The following HDGFL3 variants were observed in gnomAD, a reference collection of about 807,000 sequenced individuals.
HDGFL3 encodes HDGF like 3, also known as hepatoma-derived growth factor-related protein 3.
A neutral mutation model predicts 27.6 loss-of-function variants in HDGFL3; 6 were observed. That is an observed-to-expected ratio of 0.22 (90% confidence interval 0.12 to 0.43). The LOEUF (loss-of-function observed/expected upper bound fraction) is 0.43, where lower values mean the gene tolerates loss of function less well. HDGFL3 is among the 20% of genes least tolerant of loss of function. The pLI is 1.00. For missense variants in HDGFL3, 207 were observed against 250.1 expected (o/e 0.83, Z 1.16); for synonymous variants, 88 against 88.9 (o/e 0.99, Z 0.05).
intron 1 of HDGFL3, among the ~76,000 whole-genome samples, chr15:83,194,209 T>C (rs1787850128): frequency 6.6e-6 from 1 of 152,178 alleles, no homozygotes; most frequent in Admixed American, 6.5e-5. Flanking sequence ...GTTTTACATA[T>C]ACACAATGGG....
intron 2 of HDGFL3, among the ~76,000 whole-genome samples, chr15:83,161,805 T>C (rs190004381): frequency 1.8e-4 from 28 of 152,222 alleles, no homozygotes; most frequent in Middle Eastern, 3.2e-3. Context: ...AATTGGTTAA[T>C]TGCTATATGT....
At chr15:83,158,623 C>T (rs949547372) in intron 2 of HDGFL3, among the ~76,000 whole-genome samples, 1 of 152,150 alleles carries the variant, frequency 6.6e-6, no homozygotes, top group Non-Finnish European at 1.5e-5. Flanking sequence ...CTCCATCCTG[C>T]CTGGGACATG....
chr15:83,164,769 G>A (rs955342521), intron 1 of HDGFL3, among the ~76,000 whole-genome samples: 1 of 152,108 alleles, frequency 6.6e-6, no homozygotes. Context: ...TCTCTAATAG[G>A]ATAAAGTCAA....
In HDGFL3 at chr15:83,166,560, T is replaced by C. The variant is rs181833052; in HGVS notation, c.85-2485A>G. Among the ~76,000 whole-genome samples, 306 of 152,242 alleles carry C rather than the reference T, an allele frequency of 2.0e-3. 1 individual carries two copies. Among genetic ancestry groups the C allele is most frequent in the African/African-American group, 7.0e-3 (291 of 41,534 alleles). On this transcript the variant is annotated intron_variant, in intron 1 of 5. Coordinates refer to ENST00000299633, the MANE Select transcript of HDGFL3 (RefSeq NM_016073.4). The stretch of plus-strand genomic sequence containing the variant: ...TATAAAGTAACCACACAATAGAAAG[T>C]ACAAAACAACTGTATTAGTCTGTTC...
At chr15:83,148,407 G>A (rs1398146348) in intron 5 of HDGFL3, among the ~76,000 whole-genome samples, 1 of 151,962 alleles carries the variant, frequency 6.6e-6, no homozygotes, top group African/African-American at 2.4e-5. Flanking sequence ...AGATCACGAG[G>A]TCAGGAGATC....
chr15:83,140,481 G>GTTT lies in HDGFL3; in HGVS notation c.607-1209_607-1207dup, dbSNP rs11429826. Among the ~76,000 whole-genome samples, 587 of 135,704 alleles carry GTTT rather than the reference G, an allele frequency of 4.3e-3. 16 individuals carry two copies. The highest frequency in any genetic ancestry group is 0.012 in the African/African-American group (459 of 36,726). The allele number at this position is 135,704 out of a possible 152,430, so 89.0% of individuals were successfully genotyped here. A position where few individuals can be genotyped will look rare whatever the true frequency, so the allele number is the denominator to read the frequency against. The stretch of plus-strand genomic sequence containing the variant: ...AAAAATTGTTAGTCAACCAAAGAAA[G>GTTT]TTTTTTTTTTTTTTTTTTGAGACAG... On this transcript the variant is annotated intron_variant, in intron 5 of 5. Coordinates refer to ENST00000299633, the MANE Select transcript of HDGFL3 (RefSeq NM_016073.4).
At chr15:83,146,221 C>G (rs917316133) in intron 5 of HDGFL3, among the ~76,000 whole-genome samples, 1 of 152,086 alleles carries the variant, frequency 6.6e-6, no homozygotes, top group African/African-American at 2.4e-5. Context: ...CTGGGAGTAA[C>G]TGTAAATACT....
intron 4 of HDGFL3, among the ~76,000 whole-genome samples, chr15:83,156,212 A>G (rs938399519): frequency 1.3e-5 from 2 of 152,152 alleles, no homozygotes; most frequent in Non-Finnish European, 2.9e-5. Flanking sequence ...CCTCTGCCAT[A>G]TATGGCTTCT....
intron 1 of HDGFL3, among the ~76,000 whole-genome samples, chr15:83,202,523 A>T (rs1299807797): frequency 6.6e-6 from 1 of 152,134 alleles, no homozygotes; most frequent in Non-Finnish European, 1.5e-5. Context: ...GAATAGGAAG[A>T]TGCAGCTTGG....
At chr15:83,175,525 T>C (rs2037298303) in intron 1 of HDGFL3, among the ~76,000 whole-genome samples, 1 of 152,184 alleles carries the variant, frequency 6.6e-6, no homozygotes, top group African/African-American at 2.4e-5. Context: ...CTATTTCTGT[T>C]TTCCTGACTT....
At chr15:83,127,586 A>T, downstream of HDGFL3, 1 of 1,217,140 alleles carries the variant, frequency 8.2e-7, no homozygotes, top group Admixed American at 2.3e-5. Flanking sequence ...TAGCTATTAG[A>T]CATGTCACCT....
chr15:83,124,648 C>G (rs749696630), downstream of HDGFL3: 1 of 1,596,060 alleles, frequency 6.3e-7, no homozygotes, highest in Non-Finnish European at 8.6e-7. Flanking sequence ...TGGGCCTGCT[C>G]TTTAGGTACA....
At chr15:83,177,857 T>C (rs1034522858) in intron 1 of HDGFL3, among the ~76,000 whole-genome samples, 4 of 152,224 alleles carry the variant, frequency 2.6e-5, no homozygotes, top group Admixed American at 2.6e-4. Flanking sequence ...CTTAACTCTG[T>C]GAAACAGAAA....
intron 2 of HDGFL3, among the ~76,000 whole-genome samples, chr15:83,162,357 T>C (rs1223499907): frequency 8.5e-5 from 13 of 152,136 alleles, no homozygotes; most frequent in Admixed American, 7.2e-4. Flanking sequence ...CAGGTATTTT[T>C]AAATCTGCCT....
rs1487692244 is a variant in HDGFL3 at position 83,133,164 on chromosome 15, T to C, written c.*6106A>G. ...GAGCTGTGATTTGACTCTGGATGTC[T>C]AGTTCCAAAGTCAGTGTTCTGAACC... is the stretch of plus-strand genomic sequence containing the variant. On this transcript the variant is annotated 3_prime_UTR_variant, in exon 6 of 6. Coordinates refer to ENST00000299633, the MANE Select transcript of HDGFL3 (RefSeq NM_016073.4). 1.3e-5 allele frequency: 2 copies of C among 152,244 alleles called. No homozygotes were observed. The highest frequency in any genetic ancestry group is 1.5e-5 in the Non-Finnish European group (1 of 68,054). The allele number at this position is 152,244 out of a possible 1,614,324, so 9.4% of individuals were successfully genotyped here. A position where few individuals can be genotyped will look rare whatever the true frequency, so the allele number is the denominator to read the frequency against.
chr15:83,123,008 T>G, downstream of HDGFL3: 7 of 1,007,172 alleles, frequency 7.0e-6, no homozygotes, highest in Non-Finnish European at 1.0e-5. Flanking sequence ...GCGACTGTTT[T>G]GATTATGTAG....
At chr15:83,118,683 C>A (rs2034927483) in intron 3 of HDGFL3, among the ~76,000 whole-genome samples, 1 of 152,116 alleles carries the variant, frequency 6.6e-6, no homozygotes, top group Admixed American at 6.5e-5. Flanking sequence ...CTGCACTCTT[C>A]CTTGTTGTAG....
Position 83,136,078 on chromosome 15 carries a change from G to A in HDGFL3, c.*3192C>T, listed in dbSNP as rs2034617. On this transcript the variant is annotated 3_prime_UTR_variant, in exon 6 of 6. Coordinates refer to ENST00000299633, the MANE Select transcript of HDGFL3 (RefSeq NM_016073.4). Reference sequence around the variant, plus strand: ...GCGCTTTCTTCATTTTTATTGGAACGCAATTTGTGAACCACAACTGAGTCT... The same window carrying A: ...GCGCTTTCTTCATTTTTATTGGAACACAATTTGTGAACCACAACTGAGTCT... 0.38 allele frequency: 58,855 copies of A among 156,188 alleles called. 13,170 individuals are homozygous for A. Among genetic ancestry groups the A allele is most frequent in the African/African-American group, 0.64 (26,447 of 41,620 alleles). 9.7% of individuals were successfully genotyped at this position (156,188 alleles called of 1,614,324 possible).
chr15:83,188,609 G>C (rs183945462), intron 1 of HDGFL3, among the ~76,000 whole-genome samples: 181 of 152,226 alleles, frequency 1.2e-3, no homozygotes, highest in Non-Finnish European at 2.3e-3. Context: ...ATTATGTAAT[G>C]TATCCATTGA....
Sources: allele counts gnomAD v4.1 joint callset (sites outside exome capture counted in the v4.1 genomes callset), GRCh38; gene constraint gnomAD v4.1.1; transcripts MANE v1.5; gene names NCBI Gene and HGNC (gene_info 2026-07-23, HGNC 2026-07-21).